The following TAOK1 variants were observed in gnomAD, a reference collection of about 807,000 sequenced individuals.
The protein encoded by TAOK1 is serine/threonine-protein kinase TAO1.
TAOK1 carries 21 observed loss-of-function variants against 138.3 expected under a neutral mutation model. The observed-to-expected ratio is 0.15, with a 90% CI of 0.11 to 0.22. The LOEUF is 0.22. Among genes scored for constraint, TAOK1 ranks in the 10% least tolerant of loss-of-function variants. The pLI, the probability that TAOK1 is intolerant of heterozygous loss-of-function variation, is 1.00. For missense variants in TAOK1, 651 were observed against 1,227.7 expected, an observed-to-expected ratio of 0.53 and a Z score of 7.02; for synonymous variants, 361 against 398.4, an observed-to-expected ratio of 0.91 and a Z score of 1.12.
At chr17:29,397,812 TATGTATATAC>T (rs1467841991) in intron 1 of TAOK1, among the ~76,000 whole-genome samples, 3 of 150,434 alleles carry the variant, frequency 2.0e-5, no homozygotes, top group African/African-American at 4.9e-5. Context: ...TGTATGTATA[TATGTATATAC>T]ATGTATATAT....
At chr17:29,458,449 T>A (rs1051693193) in intron 2 of TAOK1, among the ~76,000 whole-genome samples, 1 of 152,238 alleles carries the variant, frequency 6.6e-6, no homozygotes, top group African/African-American at 2.4e-5. Flanking sequence ...TCATTTTAAT[T>A]TGCATTCTGG....
intron 10 of TAOK1, among the ~76,000 whole-genome samples, chr17:29,493,305 A>T (rs2031343496): frequency 6.6e-6 from 1 of 151,914 alleles, no homozygotes; most frequent in Admixed American, 6.6e-5. Context: ...GACCAGCCTG[A>T]GCAACGTGGA....
At position 29,395,824 on chromosome 17, in the gene TAOK1, A is replaced by ATTTTTTTTTTTTTT. The variant is rs1187461666; in HGVS notation, c.-95+4811_-95+4824dup. ...AGGTACATGCCACCACGTCTGGCTA[A>ATTTTTTTTTTTTTT]TTTTTTTTTTTTTTTTTTTTTTTTG... is the stretch of plus-strand genomic sequence containing the variant. On this transcript the variant is annotated intron_variant, in intron 1 of 19. Coordinates refer to ENST00000261716, the MANE Select transcript of TAOK1 (RefSeq NM_020791.4). Among the ~76,000 whole-genome samples, 30 of 72,100 alleles carry ATTTTTTTTTTTTTT rather than the reference A, an allele frequency of 4.2e-4. 1 individual carries two copies. The highest frequency in any genetic ancestry group is 1.8e-3 in the African/African-American group (28 of 15,564). 47.3% of individuals were successfully genotyped at this position (72,100 alleles called of 152,430 possible).
intron 10 of TAOK1, 47 bp downstream of exon 10, chr17:29,491,912 C>CCT: frequency 7.0e-7 from 1 of 1,431,736 alleles, no homozygotes; most frequent in Non-Finnish European, 9.7e-7. Flanking sequence ...TAAGACAAGG[C>CCT]CTCACTTTGT....
intron 9 of TAOK1, among the ~76,000 whole-genome samples, chr17:29,491,342 C>T (rs1212843407): frequency 1.3e-5 from 2 of 152,086 alleles, no homozygotes; most frequent in South Asian, 2.1e-4. Context: ...TATAAAAACA[C>T]TCTCTCCAGA....
At chr17:29,499,564 CT>C (rs35629940) in intron 12 of TAOK1, among the ~76,000 whole-genome samples, 19 of 90,766 alleles carry the variant, frequency 2.1e-4, no homozygotes, top group Non-Finnish European at 2.2e-4. Flanking sequence ...TTCTTTCTTT[CT>C]TTTTTTTTTT....
chr17:29,475,778 ATTTG>A lies in TAOK1; in HGVS notation c.306+10_306+13del. On this transcript the variant is annotated splice_region_variant and intron_variant, in intron 4 of 19. Transcript: ENST00000261716. ...ACGTGAACACACAGCATGGGTTGGT[ATTTG>A]TTCTCCCCTTGTTGCAGTTTTAGCT... is the stretch of plus-strand genomic sequence containing the variant. The A allele has an allele frequency of 6.2e-7, 1 of 1,600,652 alleles. No homozygotes were observed. The highest frequency in any genetic ancestry group is 1.1e-5 in the South Asian group (1 of 90,040).
At chr17:29,496,170 G>A (rs546159717) in intron 11 of TAOK1, among the ~76,000 whole-genome samples, 12 of 152,086 alleles carry the variant, frequency 7.9e-5, no homozygotes, top group African/African-American at 2.4e-4. Flanking sequence ...ACATGATCTC[G>A]GCTCACTGCA....
rs145303040 is a variant in TAOK1 at position 29,530,702 on chromosome 17, C to G, written c.2361+83C>G. ...GAACGAAATCACAGCAATTAAAGTACTAGTTGGAAATGATAGCTCTCCTGA... is the reference window on the plus strand; with the variant it reads ...GAACGAAATCACAGCAATTAAAGTAGTAGTTGGAAATGATAGCTCTCCTGA... On this transcript the variant is annotated intron_variant, in intron 18 of 19. Coordinates refer to ENST00000261716, the MANE Select transcript of TAOK1 (RefSeq NM_020791.4). 3 of 1,173,980 alleles carry G rather than the reference C, an allele frequency of 2.6e-6. No individual in the cohort carries two copies. The African/African-American group carries it at 4.5e-5, about 18-fold the overall frequency. The allele number at this position is 1,173,980 out of a possible 1,614,324, so 72.7% of individuals were successfully genotyped here. A position where few individuals can be genotyped will look rare whatever the true frequency, so the allele number is the denominator to read the frequency against.
intron 15 of TAOK1, among the ~76,000 whole-genome samples, chr17:29,515,607 G>A (rs1481977110): frequency 6.6e-6 from 1 of 152,054 alleles, no homozygotes; most frequent in Non-Finnish European, 1.5e-5. Flanking sequence ...AGGCTGAGGC[G>A]GGTGGATCAC....
intron 13 of TAOK1, among the ~76,000 whole-genome samples, chr17:29,506,978 G>A (rs1378123945): frequency 1.3e-5 from 2 of 152,214 alleles, no homozygotes; most frequent in East Asian, 1.9e-4. Flanking sequence ...AACATGCTAA[G>A]TGAAAGAAAC....
chr17:29,433,193 G>A (rs1363594421), intron 1 of TAOK1, among the ~76,000 whole-genome samples: 2 of 152,088 alleles, frequency 1.3e-5, no homozygotes, highest in Non-Finnish European at 2.9e-5. Flanking sequence ...AGCACTTTGG[G>A]AGGCCAAGCC....
intron 1 of TAOK1, among the ~76,000 whole-genome samples, chr17:29,419,794 A>G (rs1168751729): frequency 6.6e-6 from 1 of 152,016 alleles, no homozygotes; most frequent in Non-Finnish European, 1.5e-5. Flanking sequence ...GAGCTCAGCC[A>G]TGATTTTTAA....
At chr17:29,457,751 A>G (rs987376292) in intron 2 of TAOK1, among the ~76,000 whole-genome samples, 1 of 152,158 alleles carries the variant, frequency 6.6e-6, no homozygotes, top group South Asian at 2.1e-4. Context: ...CTTCGCAGAA[A>G]CATATAAATA....
chr17:29,486,556 C>T (rs1001203030), intron 8 of TAOK1, among the ~76,000 whole-genome samples: 13 of 151,756 alleles, frequency 8.6e-5, no homozygotes, highest in Admixed American at 2.0e-4. Context: ...TCTCTTGAAC[C>T]GGGGAGGCGG....
intron 1 of TAOK1, among the ~76,000 whole-genome samples, chr17:29,409,331 ATATTT>A (rs1253146418): frequency 0.022 from 1,300 of 59,818 alleles, 7 homozygotes; most frequent in African/African-American, 0.068. Flanking sequence ...ATATATATAT[ATATTT>A]TTTTTTTTTT....
chr17:29,515,628 G>A (rs189102104), intron 15 of TAOK1, among the ~76,000 whole-genome samples: 88 of 152,174 alleles, frequency 5.8e-4, no homozygotes, highest in Non-Finnish European at 5.9e-5. Flanking sequence ...AGGGTCAGGA[G>A]ATCGAGACCA....
At chr17:29,511,957 C>T (rs1390665149) in intron 15 of TAOK1, 1 of 152,022 alleles carries the variant, frequency 6.6e-6, no homozygotes, top group Non-Finnish European at 1.5e-5. Flanking sequence ...ATTTGCTTAT[C>T]AGGTTTTTTT....
intron 16 of TAOK1, among the ~76,000 whole-genome samples, chr17:29,522,059 TAATAA>T (rs534317682): frequency 3.7e-4 from 57 of 152,180 alleles, no homozygotes; most frequent in Non-Finnish European, 6.9e-4. Flanking sequence ...AAGCTAATGG[TAATAA>T]AATAATATGA....
Sources: allele counts gnomAD v4.1 joint callset (sites outside exome capture counted in the v4.1 genomes callset), GRCh38; gene constraint gnomAD v4.1.1; transcripts MANE v1.5; gene names NCBI Gene and HGNC (gene_info 2026-07-23, HGNC 2026-07-21).